Variants in HIPK1 observed in about 807,000 individuals in gnomAD.
The protein encoded by HIPK1 is homeodomain interacting protein kinase 1, also known as homeodomain-interacting protein kinase 1.
A neutral mutation model predicts 117.1 loss-of-function variants in HIPK1; 28 were observed. That is an observed-to-expected ratio of 0.24 (90% CI 0.18 to 0.33). The LOEUF (loss-of-function observed/expected upper bound fraction) is 0.33, where lower values mean the gene tolerates loss of function less well. Ranked by LOEUF, HIPK1 falls within the 10% of genes least tolerant of loss-of-function variation. The pLI, the probability that HIPK1 is intolerant of heterozygous loss-of-function variation, is 1.00. For synonymous variants in HIPK1, 605 were observed against 562.5 expected (o/e 1.08, Z -1.07); for missense variants, 1,122 against 1,475.1 (o/e 0.76, Z 3.92).
chr1:113,963,370 C>T lies in HIPK1; in HGVS notation c.2104-17C>T. ...CCTCCGTGTTTGTTTCACTCACCTG[C>T]CTAATCTACGTTTCAGGGAAGCTGT... On this transcript the variant is annotated splice_polypyrimidine_tract_variant and intron_variant, in intron 9 of 15. Coordinates refer to ENST00000426820, the MANE Select transcript of HIPK1 (RefSeq NM_198268.3). 1 of 1,612,394 alleles carries T rather than the reference C, an allele frequency of 6.2e-7. No homozygotes were observed.
Position 113,973,242 on chromosome 1 carries a change from T to C in HIPK1, c.3363T>C (p.Ala1121=), listed in dbSNP as rs1005789728. The C allele has an allele frequency of 1.2e-6, 2 of 1,614,160 alleles. No homozygotes were observed. Among genetic ancestry groups the C allele is most frequent in the East Asian group, 4.5e-5 (2 of 44,886 alleles). Residue 1121 remains alanine, a synonymous_variant, in exon 16 of 16, where the codon GCT becomes GCC. Coordinates refer to ENST00000426820, the MANE Select transcript of HIPK1 (RefSeq NM_198268.3). The stretch of plus-strand genomic sequence containing the variant: ...CGTATGCTGCCCCGACTTCTGCTGC[T>C]GCACTGGGCTCAACCAGCTCCATTG... The part of the protein sequence containing the change: ...LYTYAAPTSA[A]ALGSTSSIAH...
chr1:113,940,336 G>GT, intron 1 of HIPK1, 46 bp from the exon 2 acceptor site: 1 of 1,478,644 alleles, frequency 6.8e-7, no homozygotes, highest in Non-Finnish European at 9.1e-7. Context: ...TCTAAGCCTT[G>GT]TATCTTTTAT....
intron 9 of HIPK1, 76 bp downstream of exon 9, chr1:113,962,514 G>A: frequency 6.9e-7 from 1 of 1,440,464 alleles, no homozygotes. Flanking sequence ...CTAGAAAATG[G>A]TATTTCCTTT....
intron 1 of HIPK1, among the ~76,000 whole-genome samples, chr1:113,938,175 G>C (rs1348606714): frequency 6.9e-6 from 1 of 144,792 alleles, no homozygotes; most frequent in East Asian, 2.0e-4. Flanking sequence ...TCCCCATGTT[G>C]CTCTGGCTGG....
At position 113,972,393 on chromosome 1, in the gene HIPK1, G is replaced by A. The variant is rs142424517; in HGVS notation, c.3144+439G>A. 6.1e-3 allele frequency among the ~76,000 whole-genome samples: 928 copies of A among 152,228 alleles called. 2 individuals are homozygous for A. Among genetic ancestry groups the A allele is most frequent in the Non-Finnish European group, 0.01 (702 of 68,016 alleles). On this transcript the variant is annotated intron_variant, in intron 15 of 15. Transcript: ENST00000426820. The stretch of plus-strand genomic sequence containing the variant: ...TGGTTCTAGGTCCTACTTGTTGCTG[G>A]AGTCTGCGATTTGGGACTTCCCCAC...
intron 14 of HIPK1, 122 bp downstream of exon 14, chr1:113,970,319 C>T: frequency 1.0e-6 from 1 of 981,208 alleles, no homozygotes; most frequent in Admixed American, 2.3e-5. Context: ...TTAAAGAGAC[C>T]TTAATTCAGA....
In HIPK1 at chr1:113,973,482, T is replaced by C. The variant is rs1452288272; in HGVS notation, c.3603T>C (p.Pro1201=). The change falls in exon 16 of 16, where the codon CCT becomes CCC. Residue 1201 remains proline (P), a synonymous_variant. Transcript: ENST00000426820. ...TTTACACTGGATACCCGCTGAGTCC[T>C]ACCAAGATCAGCCAGTATTCCTACT... ...STIYTGYPLS[P]TKISQYSYL is the part of the protein sequence containing the mutation. The C allele has an allele frequency of 6.2e-7, 1 of 1,601,840 alleles. No individual in the cohort carries two copies. The highest frequency in any genetic ancestry group is 1.7e-5 in the Admixed American group (1 of 59,354).
chr1:113,946,770 C>A (rs186307907), intron 2 of HIPK1, among the ~76,000 whole-genome samples: 75 of 152,322 alleles, frequency 4.9e-4, no homozygotes, highest in African/African-American at 1.7e-3. Flanking sequence ...CTGTGTATTA[C>A]TGAGTAATTA....
intron 2 of HIPK1, among the ~76,000 whole-genome samples, chr1:113,943,858 A>G (rs1210475008): frequency 1.3e-5 from 2 of 152,154 alleles, no homozygotes; most frequent in Admixed American, 6.6e-5. Context: ...TCTATTGCTC[A>G]TGCTGGAGTA....
rs542393935 is a variant in HIPK1 at position 113,940,634 on chromosome 1, T to C, written c.251T>C (p.Ile84Thr). The change falls in exon 2 of 16, where the codon ATT becomes ACT. Residue 84 changes from isoleucine (I) to threonine (T), a missense_variant. Physicochemically the swap from Ile to Thr is moderately conservative, Grantham distance 89. Around this residue, in one of 6 missense-constraint regions of HIPK1, gnomAD observed 192 missense variants for 234.0 expected, o/e 0.82. Coordinates refer to ENST00000426820, the MANE Select transcript of HIPK1 (RefSeq NM_198268.3). ...LLLPAPAVEHIVVTAADSSGS... is the reference protein window; with the variant it reads ...LLLPAPAVEHTVVTAADSSGS... ...CTCCCAGCTCCTGCAGTGGAGCATA[T>C]TGTTGTAACAGCCGCTGATAGCTCG... 1.4e-4 allele frequency: 218 copies of C among 1,614,182 alleles called. 4 individuals carry two copies. In the South Asian group the frequency reaches 2.3e-3, roughly 17 times the overall value.
intron 8 of HIPK1, among the ~76,000 whole-genome samples, chr1:113,961,279 G>A (rs1351441128): frequency 6.6e-6 from 1 of 152,140 alleles, no homozygotes; most frequent in Non-Finnish European, 1.5e-5. Context: ...TTACAAAGAA[G>A]AATTCTTGAT....
intron 2 of HIPK1, among the ~76,000 whole-genome samples, chr1:113,946,200 A>G (rs1214841407): frequency 1.3e-5 from 2 of 152,198 alleles, no homozygotes; most frequent in Admixed American, 6.5e-5. Context: ...AGCCACACCA[A>G]CATAACATAT....
chr1:113,942,060 CTATT>C (rs1041649827), intron 2 of HIPK1, among the ~76,000 whole-genome samples: 3 of 150,388 alleles, frequency 2.0e-5, no homozygotes, highest in South Asian at 2.1e-4. Context: ...CGTGCCCAGC[CTATT>C]TATTTATTTT....
At chr1:113,950,586 T>A (rs970995002) in intron 2 of HIPK1, among the ~76,000 whole-genome samples, 1 of 152,096 alleles carries the variant, frequency 6.6e-6, no homozygotes, top group African/African-American at 2.4e-5. Flanking sequence ...TCATTGCAAC[T>A]TATGCCTCCC....
intron 13 of HIPK1, 57 bp from the exon 14 acceptor site, chr1:113,969,899 G>T (rs374307580): frequency 1.7e-5 from 27 of 1,588,978 alleles, no homozygotes; most frequent in Middle Eastern, 2.0e-4. Context: ...AGAACAAGAC[G>T]CTGTCACACA....
chr1:113,956,973 G>A, intron 6 of HIPK1, 151 bp from the exon 7 acceptor site: 4 of 863,226 alleles, frequency 4.6e-6, no homozygotes, highest in Non-Finnish European at 7.2e-6. Flanking sequence ...AATTAGATGT[G>A]TATTTTTCTT....
chr1:113,976,401 T>C lies in HIPK1; in HGVS notation c.*2889T>C, dbSNP rs1384573951. On this transcript the variant is annotated 3_prime_UTR_variant, in exon 16 of 16. Transcript: ENST00000426820. ...AGGACAAATTTTTTGTTCCTTGTCT[T>C]TTTTCTGTAAGGGACAAGATTTGTT... The C allele has an allele frequency of 2.6e-5, 4 of 152,452 alleles. No homozygotes were observed. Among genetic ancestry groups the C allele is most frequent in the Admixed American group, 1.3e-4 (2 of 15,282 alleles). The allele number at this position is 152,452 out of a possible 1,614,324, so 9.4% of individuals were successfully genotyped here. A position where few individuals can be genotyped will look rare whatever the true frequency, so the allele number is the denominator to read the frequency against.
intron 1 of HIPK1, among the ~76,000 whole-genome samples, chr1:113,932,031 A>G (rs571012970): frequency 6.6e-6 from 1 of 152,260 alleles, no homozygotes; most frequent in East Asian, 1.9e-4. Flanking sequence ...TTCAACAATC[A>G]CTGGTTTGTC....
In HIPK1 at chr1:113,938,929, T is replaced by TACAC. The variant is rs55979020; in HGVS notation, c.-2-1422_-2-1419dup. Among the ~76,000 whole-genome samples the TACAC allele has an allele frequency of 5.0e-3, 578 of 115,480 alleles. 8 individuals carry two copies. Among genetic ancestry groups the TACAC allele is most frequent in the Middle Eastern group, 0.023 (5 of 214 alleles). The allele number at this position is 115,480 out of a possible 152,430, so 75.8% of individuals were successfully genotyped here. A position where few individuals can be genotyped will look rare whatever the true frequency, so the allele number is the denominator to read the frequency against. ...TGTCTCAAAAAAAAAAAAAAAAAAATACACACACACACACACACACACACA... is the reference window on the plus strand; with the variant it reads ...TGTCTCAAAAAAAAAAAAAAAAAAATACACACACACACACACACACACACACACA... On this transcript the variant is annotated intron_variant, in intron 1 of 15. Transcript: ENST00000426820.
Sources: gnomAD v4.1 joint callset for allele counts (sites outside exome capture counted in the v4.1 genomes callset) on GRCh38, gnomAD v4.1.1 for gene constraint, gnomAD v4.1.1 regional missense constraint, MANE v1.5 for transcripts, NCBI Gene and HGNC (gene_info 2026-07-23, HGNC 2026-07-21) for gene names.